The following HR variants were observed in gnomAD, a reference collection of about 807,000 sequenced individuals.
HR encodes lysine-specific demethylase hairless.
Under a neutral mutation model 128.6 loss-of-function variants are expected in HR, and 83 were observed. The ratio of observed to expected loss-of-function variants is 0.65; its 90% CI spans 0.54 to 0.77. The LOEUF is 0.77. HR is among the 30% of genes least tolerant of loss of function. The pLI is 0.00. For missense variants in HR, 1,490 were observed against 1,574.6 expected, an observed-to-expected ratio of 0.95 and a Z score of 0.91; for synonymous variants, 681 against 658.2, an observed-to-expected ratio of 1.03 and a Z score of -0.53.
rs1246844392 is a variant in HR at position 22,121,248 on chromosome 8, T to TG, written c.2204-21dup. ...GGGTCTCTGTCAGGGAGGAAGATGGTGGGGGGCTTCGCGTTTGGTCCCTCC... is the reference window on the plus strand; with the variant it reads ...GGGTCTCTGTCAGGGAGGAAGATGGTGGGGGGGCTTCGCGTTTGGTCCCTCC... On this transcript the variant is annotated intron_variant, in intron 9 of 18. Transcript: ENST00000381418. 3.7e-6 allele frequency: 6 copies of TG among 1,612,302 alleles called. No homozygotes were observed. The highest frequency in any genetic ancestry group is 5.1e-6 in the Non-Finnish European group (6 of 1,179,178).
At chr8:22,128,103 G>C in intron 2 of HR, 1 of 575,496 alleles carries the variant, frequency 1.7e-6, no homozygotes, top group East Asian at 3.0e-5. Context: ...GGGTCTGTTT[G>C]GGCCATTTGG....
At chr8:22,126,966 G>A (rs948515632) in intron 3 of HR, 71 bp downstream of exon 3, 137 of 1,469,670 alleles carry the variant, frequency 9.3e-5, no homozygotes, top group Non-Finnish European at 1.2e-4. Flanking sequence ...TACAGACCCC[G>A]CCCCATGCGA....
chr8:22,121,888 A>G lies in HR; in HGVS notation c.2122-194T>C, dbSNP rs373677479. Among the ~76,000 whole-genome samples, 198 of 152,350 alleles carry G rather than the reference A, an allele frequency of 1.3e-3. 1 individual carries two copies. Among genetic ancestry groups the G allele is most frequent in the African/African-American group, 4.7e-3 (194 of 41,580 alleles). ...TGGACTTCTACCTATGATAGGGTCT[A>G]TAGTCTACTAAAATAGACAAATGGC... On this transcript the variant is annotated intron_variant, in intron 8 of 18. Coordinates refer to ENST00000381418, the MANE Select transcript of HR (RefSeq NM_005144.5).
chr8:22,123,629 A>AGTG lies in HR; in HGVS notation c.1915+19_1915+20insCAC. On this transcript the variant is annotated intron_variant, in intron 6 of 18. Transcript: ENST00000381418. ...CCTGAGGGCTCCATCCCGCCCTCCC[A>AGTG]CCCCCAGCCCCTCTCCTACCTGCTT... 8.1e-6 allele frequency: 1 copy of AGTG among 123,836 alleles called. No individual in the cohort carries two copies. Among genetic ancestry groups the AGTG allele is most frequent in the Non-Finnish European group, 1.5e-5 (1 of 68,424 alleles). The allele number at this position is 123,836 out of a possible 1,614,324, so 7.7% of individuals were successfully genotyped here.
chr8:22,117,572 G>A (rs1009898020), intron 16 of HR: 2 of 153,366 alleles, frequency 1.3e-5, no homozygotes, highest in East Asian at 1.9e-4. Flanking sequence ...GGACCACTGC[G>A]AGGCTCTGAG....
Position 22,128,851 on chromosome 8 carries a change from G to T in HR, c.320C>A (p.Pro107Gln), listed in dbSNP as rs141011340. Residue 107 changes from proline to glutamine, a missense_variant, in exon 2 of 19, where the codon CCG becomes CAG. Transcript: ENST00000381418. Reference sequence around the variant, plus strand: ...GCACGCTGGCCCGCAGAATGCCAGCGGATGGGTAAGCATGGCCTCCTTCCA... The same window carrying T: ...GCACGCTGGCCCGCAGAATGCCAGCTGATGGGTAAGCATGGCCTCCTTCCA... ...LRWKEAMLTH[P>Q]LAFCGPACPP... The T allele has an allele frequency of 1.7e-5, 27 of 1,613,414 alleles. No homozygotes were observed. Among genetic ancestry groups the T allele is most frequent in the Admixed American group, 1.7e-5 (1 of 60,022 alleles).
At chr8:22,129,416 C>T (rs1459760939) in intron 1 of HR, among the ~76,000 whole-genome samples, 1 of 152,260 alleles carries the variant, frequency 6.6e-6, no homozygotes, top group East Asian at 1.9e-4. Context: ...TACCCCTTCC[C>T]CAAATTCCAC....
In HR at chr8:22,119,916, G is replaced by C. The variant is rs759633970; in HGVS notation, c.2847-26C>G. 20 of 1,612,768 alleles carry C rather than the reference G, an allele frequency of 1.2e-5. No homozygotes were observed. The South Asian group carries it at 2.1e-4, about 17-fold the overall frequency. ...CTGTCAGGGTAGGGGGTCATGCCCA[G>C]CAGGCCCAACCTGGGCACCAGAGAC... On this transcript the variant is annotated intron_variant, in intron 13 of 18. Coordinates refer to ENST00000381418, the MANE Select transcript of HR (RefSeq NM_005144.5).
At position 22,128,724 on chromosome 8, in the gene HR, G is replaced by T. The variant is rs1265027649; in HGVS notation, c.447C>A (p.Thr149=). ...AGAAGGGAGCTCGCTCCAGGATCTT[G>T]GTCTCCAGAAGGAAAGGGCAGTGCC... is the stretch of plus-strand genomic sequence containing the variant. ...RPWHCPFLLE[T]KILERAPFWV... Residue 149 remains threonine, a synonymous_variant, in exon 2 of 19, where the codon ACC becomes ACA. Coordinates refer to ENST00000381418, the MANE Select transcript of HR (RefSeq NM_005144.5). 1.3e-6 allele frequency: 2 copies of T among 1,587,780 alleles called. No homozygotes were observed. Among genetic ancestry groups the T allele is most frequent in the South Asian group, 1.1e-5 (1 of 88,014 alleles).
chr8:22,116,473 C>T lies in HR; in HGVS notation c.3379-45G>A, dbSNP rs1329445124. 1 of 1,598,618 alleles carries T rather than the reference C, an allele frequency of 6.3e-7. No homozygotes were observed. Among genetic ancestry groups the T allele is most frequent in the Non-Finnish European group, 8.5e-7 (1 of 1,172,586 alleles). On this transcript the variant is annotated intron_variant, in intron 17 of 18. Coordinates refer to ENST00000381418, the MANE Select transcript of HR (RefSeq NM_005144.5). This position sits in a 1 kb window ranked among gnomAD's most constrained non-coding sequence, Gnocchi z 4.2. ...ACAGTGAGGCTCAAGATCACACATC[C>T]TCTCCCTGTCCCCCTGGTCCCTGAG...
chr8:22,123,617 T>TTGCCCCC, intron 6 of HR, 32 bp downstream of exon 6: 2 of 292,092 alleles, frequency 6.8e-6, no homozygotes, highest in African/African-American at 2.8e-5. Flanking sequence ...GAGGGCTCCA[T>TTGCCCCC]CCCGCCCTCC....
chr8:22,122,728 C>A (rs532716682), intron 7 of HR, 62 bp downstream of exon 7: 3 of 1,506,706 alleles, frequency 2.0e-6, no homozygotes, highest in East Asian at 4.9e-5. Context: ...GACAATCAGA[C>A]GGGAAGCTGG....
chr8:22,120,245 G>A, intron 12 of HR, 72 bp from the exon 13 acceptor site: 1 of 1,605,944 alleles, frequency 6.2e-7, no homozygotes, highest in Admixed American at 1.7e-5. Context: ...AGCAACACCT[G>A]CTTCCAGCCC....
intron 6 of HR, 32 bp downstream of exon 6, chr8:22,123,617 T>TGTGGGGCC: frequency 3.4e-6 from 1 of 292,092 alleles, no homozygotes; most frequent in Non-Finnish European, 6.2e-6. Flanking sequence ...GAGGGCTCCA[T>TGTGGGGCC]CCCGCCCTCC....
At chr8:22,128,403 G>T in intron 2 of HR, 156 bp downstream of exon 2, 3 of 1,043,264 alleles carry the variant, frequency 2.9e-6, no homozygotes, top group Non-Finnish European at 4.3e-6. Flanking sequence ...GGGCTTGCTT[G>T]GGGTTGACTG....
Position 22,120,524 on chromosome 8 carries a change from A to G in HR, c.2611-17T>C, listed in dbSNP as rs1826715370. On this transcript the variant is annotated splice_polypyrimidine_tract_variant and intron_variant, in intron 11 of 18. Coordinates refer to ENST00000381418, the MANE Select transcript of HR (RefSeq NM_005144.5). ...CAACACAGGCTGTGGTGGGAAAGGA[A>G]GGAGGCCATGAGGAGAATGGCCAGG... The G allele has an allele frequency of 1.2e-6, 2 of 1,613,340 alleles. No homozygotes were observed. Among genetic ancestry groups the G allele is most frequent in the Non-Finnish European group, 1.7e-6 (2 of 1,179,998 alleles).
At chr8:22,122,461 A>G (rs1412626818) in intron 8 of HR, 32 bp downstream of exon 8, 1 of 1,518,212 alleles carries the variant, frequency 6.6e-7, no homozygotes, top group South Asian at 1.2e-5. Flanking sequence ...TGCAGGCACG[A>G]TACCCAACCG....
rs1171482879 is a variant in HR at position 22,116,668 on chromosome 8, C to T, written c.3378+207G>A. On this transcript the variant is annotated intron_variant, in intron 17 of 18. Transcript: ENST00000381418. The surrounding 1 kb of genome is among the most constrained non-coding windows in gnomAD (Gnocchi z 4.2). ...CCTGACATCAGCATGCCCAGGAGAC[C>T]AGGAGTGGACTCTGGCGCCAGTCCC... 6.6e-6 allele frequency among the ~76,000 whole-genome samples: 1 copy of T among 152,188 alleles called. No homozygotes were observed. Among genetic ancestry groups the T allele is most frequent in the Non-Finnish European group, 1.5e-5 (1 of 68,028 alleles).
chr8:22,118,631 G>A, intron 16 of HR: 1 of 417,132 alleles, frequency 2.4e-6, no homozygotes, highest in Non-Finnish European at 4.5e-6. Flanking sequence ...CCTGCCTCAT[G>A]GGGCGGGGGG....
Sources: allele counts gnomAD v4.1 joint callset (sites outside exome capture counted in the v4.1 genomes callset), GRCh38; gene constraint gnomAD v4.1.1; non-coding constraint Gnocchi (gnomAD v3.1); transcripts MANE v1.5; gene names NCBI Gene and HGNC (gene_info 2026-07-23, HGNC 2026-07-21).